Variants in PCDHGB5 observed in about 807,000 individuals in gnomAD.
The protein encoded by PCDHGB5 is protocadherin gamma-B5.
In PCDHGB5, 48 loss-of-function variants were observed where a neutral mutation model predicts 62.9. The observed-to-expected ratio is 0.76, with a 90% confidence interval of 0.61 to 0.97. PCDHGB5 has a LOEUF of 0.97. Ranked by LOEUF, PCDHGB5 falls within the 50% of genes least tolerant of loss-of-function variation. The pLI is 0.00. For missense variants in PCDHGB5, 1,118 were observed against 1,198.6 expected, an observed-to-expected ratio of 0.93 and a Z score of 0.99; for synonymous variants, 474 against 511.2, an observed-to-expected ratio of 0.93 and a Z score of 0.98.
intron 1 of PCDHGB5, chr5:141,414,666 A>G (rs1243321329): frequency 6.2e-7 from 1 of 1,614,002 alleles, no homozygotes; most frequent in Admixed American, 1.7e-5. Context: ...CCCTGGCTGA[A>G]GACACCATCC....
chr5:141,405,838 T>C (rs1561702145), intron 1 of PCDHGB5, among the ~76,000 whole-genome samples: 4 of 152,300 alleles, frequency 2.6e-5, no homozygotes, highest in Admixed American at 2.0e-4. Flanking sequence ...TAGTATAAGT[T>C]GATATCAGTG....
Position 141,431,614 on chromosome 5 carries a change from C to G in PCDHGB5, c.2397+31090C>G. ...TGAGGTATTCCTTCCGGTATGTGGACGACAAGGCGGCCCAAGTTTTCAAAC... is the reference window on the plus strand; with the variant it reads ...TGAGGTATTCCTTCCGGTATGTGGAGGACAAGGCGGCCCAAGTTTTCAAAC... On this transcript the variant is annotated intron_variant, in intron 1 of 3. Coordinates refer to ENST00000617380, the MANE Select transcript of PCDHGB5 (RefSeq NM_018925.3). This position sits in a 1 kb window ranked among gnomAD's most constrained non-coding sequence, Gnocchi z 4.8. 6.2e-7 allele frequency: 1 copy of G among 1,614,206 alleles called. No homozygotes were observed. The highest frequency in any genetic ancestry group is 1.1e-5 in the South Asian group (1 of 91,092).
intron 1 of PCDHGB5, chr5:141,468,351 A>G (rs1030472813): frequency 6.7e-6 from 1 of 149,192 alleles, no homozygotes; most frequent in Non-Finnish European, 1.5e-5. Context: ...AAAAAAAAAG[A>G]AAGAAAAAAG....
chr5:141,461,732 A>G (rs945368729), intron 1 of PCDHGB5, among the ~76,000 whole-genome samples: 5 of 152,154 alleles, frequency 3.3e-5, no homozygotes, highest in Non-Finnish European at 5.9e-5. Context: ...GTGCAGTGGC[A>G]CAATCCCGGC....
At chr5:141,482,530 CAAAAAAA>C (rs3074545) in intron 1 of PCDHGB5, among the ~76,000 whole-genome samples, 2 of 76,560 alleles carry the variant, frequency 2.6e-5, no homozygotes, top group South Asian at 4.6e-4. Flanking sequence ...GACAGACATG[CAAAAAAA>C]AAAAAAAAAA....
At chr5:141,440,912 G>T (rs1281398967) in intron 1 of PCDHGB5, 1 of 152,254 alleles carries the variant, frequency 6.6e-6, no homozygotes, top group Admixed American at 6.5e-5. Context: ...GGGCACTCCT[G>T]TGCTGAGAGT....
chr5:141,493,560 C>T lies in PCDHGB5; in HGVS notation c.2398-1247C>T, dbSNP rs1222578153. ...TTATCCTTTTGGAGATTGAGTTCCCCCAGCTCCGTTTCCTCCTATCACAAT... is the reference window on the plus strand; with the variant it reads ...TTATCCTTTTGGAGATTGAGTTCCCTCAGCTCCGTTTCCTCCTATCACAAT... On this transcript the variant is annotated intron_variant, in intron 1 of 3. Transcript: ENST00000617380. The surrounding 1 kb of genome is among the most constrained non-coding windows in gnomAD (Gnocchi z 4.3). Among the ~76,000 whole-genome samples, 4 of 152,162 alleles carry T rather than the reference C, an allele frequency of 2.6e-5. No individual in the cohort carries two copies. The highest frequency in any genetic ancestry group is 2.1e-4 in the South Asian group (1 of 4,830).
Position 141,398,805 on chromosome 5 carries a change from T to C in PCDHGB5, c.678T>C (p.Thr226=). ...GACATCCACCCCTAAGCGGCACCACTGAGCTCCGGATCCAGGTAACCGACG... is the reference window on the plus strand; with the variant it reads ...GACATCCACCCCTAAGCGGCACCACCGAGCTCCGGATCCAGGTAACCGACG... ...DGGHPPLSGT[T]ELRIQVTDAN... is the part of the protein sequence containing the mutation. Residue 226 remains threonine, a synonymous_variant, in exon 1 of 4, where the codon ACT becomes ACC. Transcript: ENST00000617380. 2 of 1,613,964 alleles carry C rather than the reference T, an allele frequency of 1.2e-6. No individual in the cohort carries two copies. Among genetic ancestry groups the C allele is most frequent in the Non-Finnish European group, 1.7e-6 (2 of 1,179,882 alleles).
intron 2 of PCDHGB5, among the ~76,000 whole-genome samples, chr5:141,504,359 A>C (rs988295720): frequency 2.6e-5 from 4 of 152,044 alleles, no homozygotes; most frequent in African/African-American, 9.7e-5. Flanking sequence ...TAGGTGCTTC[A>C]GTAGGAAGCA....
Position 141,431,300 on chromosome 5 carries a change from A to G in PCDHGB5, c.2397+30776A>G, listed in dbSNP as rs200375087. 7.4e-6 allele frequency: 12 copies of G among 1,614,008 alleles called. No homozygotes were observed. Among genetic ancestry groups the G allele is most frequent in the Admixed American group, 1.7e-5 (1 of 60,010 alleles). ...CAGCCCGAACACTCACTTCTCCCTC[A>G]TCGTGCAAAATGGAGCCGACGGTAG... On this transcript the variant is annotated intron_variant, in intron 1 of 3. Coordinates refer to ENST00000617380, the MANE Select transcript of PCDHGB5 (RefSeq NM_018925.3). This position sits in a 1 kb window ranked among gnomAD's most constrained non-coding sequence, Gnocchi z 4.8.
intron 1 of PCDHGB5, among the ~76,000 whole-genome samples, chr5:141,456,460 C>G (rs1444956833): frequency 6.6e-6 from 1 of 152,002 alleles, no homozygotes; most frequent in East Asian, 1.9e-4. Context: ...AATATCAATA[C>G]AAGACATATA....
intron 1 of PCDHGB5, chr5:141,441,940 G>T (rs2098285664): frequency 5.9e-6 from 2 of 341,298 alleles, no homozygotes; most frequent in Non-Finnish European, 1.1e-5. Flanking sequence ...GTCCTACCAC[G>T]TGCTGCAGGC....
chr5:141,404,860 T>G (rs3749769), intron 1 of PCDHGB5: 7 of 1,613,630 alleles, frequency 4.3e-6, no homozygotes, highest in Admixed American at 1.7e-5. Context: ...TAGATAGAGA[T>G]GCGCTCAAAC....
chr5:141,444,001 C>G (rs2098413288), intron 1 of PCDHGB5, among the ~76,000 whole-genome samples: 1 of 151,914 alleles, frequency 6.6e-6, no homozygotes, highest in Non-Finnish European at 1.5e-5. Flanking sequence ...TTAAATGCTA[C>G]CTGGGTATTG....
intron 1 of PCDHGB5, among the ~76,000 whole-genome samples, chr5:141,436,199 A>G (rs576607542): frequency 7.2e-5 from 11 of 152,282 alleles, no homozygotes; most frequent in East Asian, 5.8e-4. Context: ...AAAGAAAGAC[A>G]TAATAGGAAA....
intron 1 of PCDHGB5, among the ~76,000 whole-genome samples, chr5:141,459,184 G>GC (rs2098963022): frequency 6.6e-6 from 1 of 152,134 alleles, no homozygotes; most frequent in South Asian, 2.1e-4. Flanking sequence ...GTTCCCTCAT[G>GC]CCCCTTTGCA....
At chr5:141,500,167 A>C (rs976308963) in intron 2 of PCDHGB5, among the ~76,000 whole-genome samples, 1 of 150,656 alleles carries the variant, frequency 6.6e-6, no homozygotes, top group African/African-American at 2.4e-5. Context: ...AAGAACATGC[A>C]TGAGCTTCAT....
intron 1 of PCDHGB5, chr5:141,427,972 C>A: frequency 6.3e-7 from 1 of 1,593,948 alleles, no homozygotes; most frequent in Non-Finnish European, 8.6e-7. Context: ...GTGCTGTACC[C>A]CGCGCTGGGG....
intron 1 of PCDHGB5, chr5:141,408,674 A>T (rs1005052894): frequency 3.1e-6 from 5 of 1,614,000 alleles, no homozygotes; most frequent in Non-Finnish European, 4.2e-6. Flanking sequence ...TGACCCTGCC[A>T]CGGATCCTGA....
Sources: allele counts gnomAD v4.1 joint callset (sites outside exome capture counted in the v4.1 genomes callset), GRCh38; gene constraint gnomAD v4.1.1; non-coding constraint Gnocchi (gnomAD v3.1); transcripts MANE v1.5; gene names NCBI Gene and HGNC (gene_info 2026-07-23, HGNC 2026-07-21).